Variants in N4BP2L1 observed in about 807,000 individuals in gnomAD.
N4BP2L1 encodes NEDD4-binding protein 2-like 1.
N4BP2L1 carries 12 observed loss-of-function variants against 21.2 expected under a neutral mutation model. The observed-to-expected ratio is 0.57, with a 90% CI of 0.36 to 0.92. The LOEUF (loss-of-function observed/expected upper bound fraction) is 0.92, where lower values mean the gene tolerates loss of function less well. Ranked by LOEUF, N4BP2L1 falls within the 40% of genes least tolerant of loss-of-function variation. N4BP2L1 has a pLI of 0.01. For synonymous variants in N4BP2L1, 104 were observed against 112.8 expected (o/e 0.92, Z 0.49); for missense variants, 259 against 310.6 (o/e 0.83, Z 1.25).
chr13:32,417,062 G>A (rs551632654), intron 1 of N4BP2L1, among the ~76,000 whole-genome samples: 9 of 152,086 alleles, frequency 5.9e-5, no homozygotes, highest in South Asian at 2.1e-4. Context: ...TGATCCACCC[G>A]CCTTGGCCTC....
At chr13:32,422,613 T>A (rs1236456799) in intron 1 of N4BP2L1, among the ~76,000 whole-genome samples, 1 of 152,182 alleles carries the variant, frequency 6.6e-6, no homozygotes, top group African/African-American at 2.4e-5. Context: ...TCCAGGAATG[T>A]GTTTGTGGTG....
Position 32,403,010 on chromosome 13 carries a change from T to C in N4BP2L1, c.664A>G (p.Arg222Gly). 6.2e-7 allele frequency: 1 copy of C among 1,614,118 alleles called. No individual in the cohort carries two copies. The highest frequency in any genetic ancestry group is 8.5e-7 in the Non-Finnish European group (1 of 1,180,002). Residue 222 changes from arginine (R) to glycine (G), a missense_variant, in exon 5 of 5, where the codon AGG (arginine) becomes GGG (glycine). Transcript: ENST00000380130. Reference sequence around the variant, plus strand: ...TCATTTGTAAATCCACCGTGGGCCCTCCGGTTTGGAAACTCTGTGTAGGAA... The same window carrying C: ...TCATTTGTAAATCCACCGTGGGCCCCCCGGTTTGGAAACTCTGTGTAGGAA... Reference protein sequence around the residue: ...WNSYTEFPNRRAHGGFTNESS... With the variant: ...WNSYTEFPNRGAHGGFTNESS...
chr13:32,407,435 A>G (rs1277919058), intron 2 of N4BP2L1, 97 bp from the exon 3 acceptor site: 13 of 1,599,510 alleles, frequency 8.1e-6, no homozygotes, highest in African/African-American at 1.3e-5. Flanking sequence ...GGATGCCCTC[A>G]TCTCCTCATC....
chr13:32,428,005 G>A lies in N4BP2L1; in HGVS notation c.78C>T (p.Pro26=). 6.4e-7 allele frequency: 1 copy of A among 1,560,314 alleles called. No homozygotes were observed. The highest frequency in any genetic ancestry group is 2.5e-5 in the East Asian group (1 of 39,740). ...GAGGTGTCCCCCGCGGGGGCGGCCG[G>A]GGCGGCCGCTGCCGCTGCTGCTGCT... ...PQQQQQRQRP[P]RPPPRGTPPR... The change falls in exon 1 of 5, where the codon CCC becomes CCT. Residue 26 remains proline (P), a synonymous_variant. Coordinates refer to ENST00000380130, the MANE Select transcript of N4BP2L1 (RefSeq NM_052818.3).
rs2137696138 is a variant in N4BP2L1 at position 32,402,497 on chromosome 13, T to C, written c.*445A>G. The C allele has an allele frequency of 5.8e-6, 4 of 685,508 alleles. No individual in the cohort carries two copies. Among genetic ancestry groups the C allele is most frequent in the Admixed American group, 1.1e-4 (1 of 9,394 alleles). The allele number at this position is 685,508 out of a possible 1,614,324, so 42.5% of individuals were successfully genotyped here. On this transcript the variant is annotated 3_prime_UTR_variant, in exon 5 of 5. Transcript: ENST00000380130. ...GATACATAGATTATCAAAGTAGCAA[T>C]GGCACTTTGATAAGTAGCAATGCCC...
intron 1 of N4BP2L1, among the ~76,000 whole-genome samples, chr13:32,409,717 T>C (rs563354571): frequency 1.1e-4 from 16 of 152,008 alleles, no homozygotes; most frequent in African/African-American, 3.4e-4. Context: ...TGATGCAAGT[T>C]TGACTTGGTC....
At chr13:32,427,345 C>T (rs900765470) in intron 1 of N4BP2L1, among the ~76,000 whole-genome samples, 1 of 152,248 alleles carries the variant, frequency 6.6e-6, no homozygotes, top group Non-Finnish European at 1.5e-5. Context: ...CCACGGCCGC[C>T]CCGGGCCCCC....
At position 32,403,081 on chromosome 13, in the gene N4BP2L1, T is replaced by C; in HGVS notation, c.593A>G (p.Gln198Arg). 1 of 1,614,208 alleles carries C rather than the reference T, an allele frequency of 6.2e-7. No individual in the cohort carries two copies. Among genetic ancestry groups the C allele is most frequent in the Non-Finnish European group, 8.5e-7 (1 of 1,180,032 alleles). The change falls in exon 5 of 5, where the codon CAG becomes CGG. Residue 198 changes from glutamine (Q) to arginine (R), a missense_variant. Coordinates refer to ENST00000380130, the MANE Select transcript of N4BP2L1 (RefSeq NM_052818.3). ...AEKPSRMNRNQDRNNALPSNN... is the reference protein window; with the variant it reads ...AEKPSRMNRNRDRNNALPSNN... The stretch of plus-strand genomic sequence containing the variant: ...GGAAGGCAATGCATTATTCCTGTCC[T>C]GGTTTCTGTTCATTCTGCTTGGCTT...
intron 4 of N4BP2L1, chr13:32,404,059 A>T: frequency 8.9e-7 from 1 of 1,129,522 alleles, no homozygotes; most frequent in South Asian, 1.6e-5. Flanking sequence ...TTGATGAAGA[A>T]GCATTTTAGC....
chr13:32,419,780 G>A (rs1241031106), intron 1 of N4BP2L1, among the ~76,000 whole-genome samples: 3 of 152,190 alleles, frequency 2.0e-5, no homozygotes, highest in Admixed American at 2.0e-4. Flanking sequence ...AGTAGAATGA[G>A]AACAGACTAA....
chr13:32,402,830 A>C lies in N4BP2L1; in HGVS notation c.*112T>G. On this transcript the variant is annotated 3_prime_UTR_variant, in exon 5 of 5. Transcript: ENST00000380130. ...TAATGACTTTGCTCAGAAACTTTTGAGTTCAGCTATTTACACTGGAATTGG... is the reference window on the plus strand; with the variant it reads ...TAATGACTTTGCTCAGAAACTTTTGCGTTCAGCTATTTACACTGGAATTGG... 2 of 1,449,686 alleles carry C rather than the reference A, an allele frequency of 1.4e-6. No individual in the cohort carries two copies. Among genetic ancestry groups the C allele is most frequent in the South Asian group, 3.2e-5 (2 of 62,558 alleles). 89.8% of individuals were successfully genotyped at this position (1,449,686 alleles called of 1,614,324 possible).
chr13:32,411,872 C>T, intron 1 of N4BP2L1: 1 of 688,170 alleles, frequency 1.5e-6, no homozygotes, highest in Non-Finnish European at 1.8e-6. Context: ...ACTTGACGCC[C>T]AGTTTTTTAC....
chr13:32,428,520 A>T (rs2074918812), upstream of N4BP2L1, among the ~76,000 whole-genome samples: 2 of 152,142 alleles, frequency 1.3e-5, no homozygotes, highest in African/African-American at 4.8e-5. Context: ...GCTGCCCGGC[A>T]TTGTAAATGG....
chr13:32,411,528 C>T, intron 1 of N4BP2L1: 11 of 985,260 alleles, frequency 1.1e-5, no homozygotes, highest in Non-Finnish European at 1.3e-5. Context: ...CAATAAATAC[C>T]ATTCCATCAG....
intron 1 of N4BP2L1, among the ~76,000 whole-genome samples, chr13:32,423,639 G>A (rs1001263875): frequency 6.6e-6 from 1 of 152,276 alleles, no homozygotes; most frequent in East Asian, 1.9e-4. Flanking sequence ...CAACATGGAT[G>A]AACCTTGAAA....
chr13:32,417,614 C>T (rs1015049212), intron 1 of N4BP2L1, among the ~76,000 whole-genome samples: 15 of 152,002 alleles, frequency 9.9e-5, no homozygotes, highest in African/African-American at 3.6e-4. Flanking sequence ...TGTAAAGATA[C>T]CCAAAGATGT....
intron 1 of N4BP2L1, among the ~76,000 whole-genome samples, chr13:32,414,651 A>T (rs533826785): frequency 3.9e-4 from 59 of 152,142 alleles, no homozygotes; most frequent in African/African-American, 1.3e-3. Context: ...TTATTTTTTT[A>T]AAAGAGTACT....
chr13:32,406,407 T>C (rs2073511548), intron 3 of N4BP2L1: 1 of 152,260 alleles, frequency 6.6e-6, no homozygotes, highest in African/African-American at 2.4e-5. Context: ...TTTTTATTTA[T>C]ATTTGCATTC....
intron 4 of N4BP2L1, chr13:32,403,753 A>G (rs575491020): frequency 1.9e-6 from 1 of 536,474 alleles, no homozygotes; most frequent in Admixed American, 1.9e-5. Context: ...CTTTGAAGAC[A>G]CTATCTGCCT....
Sources: gnomAD v4.1 joint callset for allele counts (sites outside exome capture counted in the v4.1 genomes callset) on GRCh38, gnomAD v4.1.1 for gene constraint, MANE v1.5 for transcripts, NCBI Gene and HGNC (gene_info 2026-07-23, HGNC 2026-07-21) for gene names.